Variants in PBX1 observed in about 807,000 individuals in gnomAD.
PBX1 encodes the protein pre-B-cell leukemia transcription factor 1.
A neutral mutation model predicts 53.4 loss-of-function variants in PBX1; 6 were observed. The observed-to-expected ratio is 0.11, with a 90% confidence interval of 0.06 to 0.22. The LOEUF (loss-of-function observed/expected upper bound fraction) is 0.22, where lower values mean the gene tolerates loss of function less well. PBX1 is among the 10% of genes least tolerant of loss of function. PBX1 has a pLI of 1.00. For missense variants in PBX1, 251 were observed against 551.4 expected, an observed-to-expected ratio of 0.46 and a Z score of 5.46; for synonymous variants, 204 against 212.3, an observed-to-expected ratio of 0.96 and a Z score of 0.34.
intron 2 of PBX1, among the ~76,000 whole-genome samples, chr1:164,588,209 G>A (rs1172893535): frequency 6.6e-6 from 1 of 152,164 alleles, no homozygotes; most frequent in Non-Finnish European, 1.5e-5. Flanking sequence ...ATGAGTGAGT[G>A]AGATACACCC....
chr1:164,590,548 A>T, intron 2 of PBX1: 1 of 446,744 alleles, frequency 2.2e-6, no homozygotes, highest in Non-Finnish European at 4.5e-6. Context: ...ACAGTGTGAA[A>T]TCTTACTTGG....
chr1:164,618,241 T>A, intron 2 of PBX1, among the ~76,000 whole-genome samples: 1 of 144,972 alleles, frequency 6.9e-6, no homozygotes, highest in East Asian at 2.2e-4. Context: ...TAGCAAACAC[T>A]TAAAAGTTCG....
At chr1:164,619,437 A>G (rs548888622) in intron 2 of PBX1, among the ~76,000 whole-genome samples, 10 of 152,238 alleles carry the variant, frequency 6.6e-5, no homozygotes, top group African/African-American at 2.4e-4. Flanking sequence ...TTACTGGGTT[A>G]TTCAGTGAAG....
intron 2 of PBX1, among the ~76,000 whole-genome samples, chr1:164,865,760 C>T (rs1310137719): frequency 6.6e-6 from 1 of 152,152 alleles, no homozygotes; most frequent in Non-Finnish European, 1.5e-5. Context: ...TATGCACATT[C>T]CTGCTCTACA....
Position 164,765,486 on chromosome 1 carries a change from G to A in PBX1, c.266-27008G>A, listed in dbSNP as rs540108121. On this transcript the variant is annotated intron_variant, in intron 2 of 8. Coordinates refer to ENST00000420696, the MANE Select transcript of PBX1 (RefSeq NM_002585.4). ...CCCTTCTGGTGCCAGATTTAAGGCA[G>A]GAAAAAGCAAACAGCTGTTCAAAAT... is the stretch of plus-strand genomic sequence containing the variant. Among the ~76,000 whole-genome samples the A allele has an allele frequency of 1.1e-3, 161 of 152,284 alleles. 2 individuals carry two copies. The highest frequency in any genetic ancestry group is 3.9e-3 in the Admixed American group (60 of 15,306).
intron 2 of PBX1, among the ~76,000 whole-genome samples, chr1:164,629,815 C>T (rs901616647): frequency 6.6e-6 from 1 of 151,544 alleles, no homozygotes; most frequent in Non-Finnish European, 1.5e-5. Flanking sequence ...ATTCTTTTTC[C>T]AACAAGAAGG....
intron 2 of PBX1, among the ~76,000 whole-genome samples, chr1:164,738,727 T>C (rs1203623665): frequency 1.3e-5 from 2 of 152,242 alleles, no homozygotes; most frequent in African/African-American, 2.4e-5. Flanking sequence ...ATGGCTGATA[T>C]ATAGGCTTCC....
At chr1:164,869,042 C>T (rs1277678318) in intron 2 of PBX1, among the ~76,000 whole-genome samples, 2 of 152,166 alleles carry the variant, frequency 1.3e-5, no homozygotes, top group Admixed American at 1.3e-4. Context: ...CTGTCTCTGG[C>T]ATGAATTAAT....
In PBX1 at chr1:164,715,140, T is replaced by TTGAA. The variant is rs370193682; in HGVS notation, c.266-77340_266-77337dup. 6.7e-3 allele frequency among the ~76,000 whole-genome samples: 1,026 copies of TTGAA among 152,262 alleles called. 11 individuals are homozygous for TTGAA. Among genetic ancestry groups the TTGAA allele is most frequent in the African/African-American group, 0.023 (952 of 41,526 alleles). Reference sequence around the variant, plus strand: ...TCAATAAATGTTCACTATTGAATAGTTGAATGAATGAATGAATATGACTTT... The same window carrying TTGAA: ...TCAATAAATGTTCACTATTGAATAGTTGAATGAATGAATGAATGAATATGACTTT... On this transcript the variant is annotated intron_variant, in intron 2 of 8. Coordinates refer to ENST00000420696, the MANE Select transcript of PBX1 (RefSeq NM_002585.4).
At position 164,846,788 on chromosome 1, in the gene PBX1, C is replaced by A; in HGVS notation, c.*112C>A. The A allele has an allele frequency of 3.2e-6, 5 of 1,584,250 alleles. No individual in the cohort carries two copies. The highest frequency in any genetic ancestry group is 1.1e-5 in the South Asian group (1 of 88,206). On this transcript the variant is annotated 3_prime_UTR_variant, in exon 9 of 9. Transcript: ENST00000420696. ...TCAGACTGGAGGTCGAAGCAATCAGCAAACACAATAAGAGTCTCCTTCTCT... is the reference window on the plus strand; with the variant it reads ...TCAGACTGGAGGTCGAAGCAATCAGAAAACACAATAAGAGTCTCCTTCTCT...
At chr1:164,770,136 T>G (rs1053718262) in intron 2 of PBX1, 8 of 152,220 alleles carry the variant, frequency 5.3e-5, no homozygotes, top group African/African-American at 1.9e-4. Context: ...AGGTATAAAA[T>G]ACTATCAAAA....
At chr1:164,791,447 G>A (rs1477718061) in intron 2 of PBX1, among the ~76,000 whole-genome samples, 3 of 152,168 alleles carry the variant, frequency 2.0e-5, no homozygotes, top group Non-Finnish European at 2.9e-5. Context: ...CTTATCACTC[G>A]GAACACATAG....
At chr1:164,591,186 A>G (rs1432118772) in intron 2 of PBX1, among the ~76,000 whole-genome samples, 2 of 151,464 alleles carry the variant, frequency 1.3e-5, no homozygotes, top group Non-Finnish European at 2.9e-5. Context: ...TAATTTTTGT[A>G]TTTTTCGTAG....
intron 2 of PBX1, among the ~76,000 whole-genome samples, chr1:164,595,792 C>T (rs1770554): frequency 0.85 from 129,620 of 152,158 alleles, 55,534 homozygotes; most frequent in African/African-American, 0.9. Flanking sequence ...CAGAATTAGA[C>T]CCTGTCTTTG....
chr1:164,832,058 A>G (rs1460538621), intron 8 of PBX1, among the ~76,000 whole-genome samples: 2 of 152,212 alleles, frequency 1.3e-5, no homozygotes, highest in African/African-American at 4.8e-5. Context: ...GATATCAGAA[A>G]GTTGAATTAT....
intron 2 of PBX1, among the ~76,000 whole-genome samples, chr1:164,679,035 G>C (rs1661597210): frequency 6.6e-6 from 1 of 152,266 alleles, no homozygotes; most frequent in Middle Eastern, 3.4e-3. Flanking sequence ...GTATCTTCTT[G>C]TATCAAGACC....
intron 3 of PBX1, among the ~76,000 whole-genome samples, chr1:164,797,721 A>G (rs886995724): frequency 6.6e-6 from 1 of 152,218 alleles, no homozygotes; most frequent in Admixed American, 6.5e-5. Flanking sequence ...TTTCTAAGTT[A>G]TCTATATTTT....
chr1:164,848,397 T>C lies in PBX1; in HGVS notation c.*1721T>C, dbSNP rs550169170. 7.6e-6 allele frequency: 8 copies of C among 1,055,246 alleles called. No individual in the cohort carries two copies. In the African/African-American group the frequency reaches 1.3e-4, roughly 17 times the overall value. The allele number at this position is 1,055,246 out of a possible 1,614,324, so 65.4% of individuals were successfully genotyped here. A position where few individuals can be genotyped will look rare whatever the true frequency, so the allele number is the denominator to read the frequency against. ...TGTTATGCCTGGCTTACTAAGAGTC[T>C]TGTGAGAGACTGAGAAGTTGATTTT... On this transcript the variant is annotated 3_prime_UTR_variant, in exon 9 of 9. Coordinates refer to ENST00000420696, the MANE Select transcript of PBX1 (RefSeq NM_002585.4).
intron 2 of PBX1, among the ~76,000 whole-genome samples, chr1:164,633,922 T>C (rs879441775): frequency 6.6e-6 from 1 of 152,204 alleles, no homozygotes; most frequent in Non-Finnish European, 1.5e-5. Flanking sequence ...TTCTTCACTC[T>C]CCAGCAGTGG....
Sources: allele counts gnomAD v4.1 joint callset (sites outside exome capture counted in the v4.1 genomes callset), GRCh38; gene constraint gnomAD v4.1.1; transcripts MANE v1.5; gene names NCBI Gene and HGNC (gene_info 2026-07-23, HGNC 2026-07-21).